SCAPER: variants seen among roughly 807,000 people sequenced by gnomAD.
SCAPER encodes the protein S phase cyclin A-associated protein in the endoplasmic reticulum.
SCAPER carries 98 observed loss-of-function variants against 182.2 expected under a neutral mutation model. That is an observed-to-expected ratio of 0.54 (90% confidence interval 0.46 to 0.64). SCAPER has a LOEUF of 0.64. Among genes scored for constraint, SCAPER ranks in the 30% least tolerant of loss-of-function variants. SCAPER has a pLI of 0.00. For missense variants in SCAPER, 1,432 were observed against 1,690.0 expected, an observed-to-expected ratio of 0.85 and a Z score of 2.68; for synonymous variants, 605 against 564.6, an observed-to-expected ratio of 1.07 and a Z score of -1.01.
chr15:76,600,769 A>G (rs1269543017), intron 22 of SCAPER, among the ~76,000 whole-genome samples: 1 of 121,376 alleles, frequency 8.2e-6, no homozygotes, highest in Admixed American at 9.4e-5. Flanking sequence ...TTTTTTTAAA[A>G]TAATTCTAAA....
chr15:76,445,026 G>C (rs1375280574), intron 25 of SCAPER, among the ~76,000 whole-genome samples: 1 of 152,034 alleles, frequency 6.6e-6, no homozygotes, highest in South Asian at 2.1e-4. Flanking sequence ...GTGGTTTCTG[G>C]TCACATGGAT....
intron 26 of SCAPER, among the ~76,000 whole-genome samples, chr15:76,430,731 G>T (rs140912848): frequency 6.6e-6 from 1 of 152,342 alleles, no homozygotes; most frequent in East Asian, 1.9e-4. Flanking sequence ...CCTTGACTCA[G>T]ATGAGATGTT....
At position 76,689,105 on chromosome 15, in the gene SCAPER, T is replaced by C. The variant is rs533572166; in HGVS notation, c.2508+12653A>G. Among the ~76,000 whole-genome samples the C allele has an allele frequency of 4.6e-3, 693 of 151,932 alleles. 7 individuals are homozygous for C. The highest frequency in any genetic ancestry group is 0.016 in the African/African-American group (660 of 41,484). Reference sequence around the variant, plus strand: ...CCTAGTGATCCGCCCGCCTCAGCCTTTCAAAGTGCTGGGATTACAGGCATG... The same window carrying C: ...CCTAGTGATCCGCCCGCCTCAGCCTCTCAAAGTGCTGGGATTACAGGCATG... On this transcript the variant is annotated intron_variant, in intron 20 of 31. Transcript: ENST00000563290.
At chr15:76,724,763 G>T (rs528378783) in intron 17 of SCAPER, among the ~76,000 whole-genome samples, 1 of 152,186 alleles carries the variant, frequency 6.6e-6, no homozygotes, top group South Asian at 2.1e-4. Flanking sequence ...TCGTGCCATG[G>T]TTTTCAGCTC....
At chr15:76,824,100 A>C (rs966660253) in intron 5 of SCAPER, among the ~76,000 whole-genome samples, 1 of 152,196 alleles carries the variant, frequency 6.6e-6, no homozygotes, top group African/African-American at 2.4e-5. Context: ...GAACAAGGGA[A>C]TACAAACAAG....
intron 21 of SCAPER, among the ~76,000 whole-genome samples, chr15:76,648,126 G>A (rs1280099440): frequency 1.3e-5 from 2 of 151,446 alleles, no homozygotes; most frequent in African/African-American, 4.9e-5. Context: ...AAAAATCAGC[G>A]TGAAAAGGAA....
At chr15:76,623,131 C>A (rs759421653) in intron 21 of SCAPER, among the ~76,000 whole-genome samples, 4 of 152,138 alleles carry the variant, frequency 2.6e-5, no homozygotes, top group Non-Finnish European at 1.5e-5. Context: ...GTCTAAGTTC[C>A]TTATAGATTC....
At chr15:76,732,293 T>C (rs955474171) in intron 16 of SCAPER, among the ~76,000 whole-genome samples, 1 of 152,102 alleles carries the variant, frequency 6.6e-6, no homozygotes, top group Admixed American at 6.6e-5. Flanking sequence ...ATAAGAATAG[T>C]TATACTAGAT....
rs946887357 is a variant in SCAPER at position 76,665,573 on chromosome 15, T to A, written c.2645+80A>T. Reference sequence around the variant, plus strand: ...TTTCATGAAGCAAACAACTTTAAACTTTTTTTGTCTTCCTTGGATTTACAT... The same window carrying A: ...TTTCATGAAGCAAACAACTTTAAACATTTTTTGTCTTCCTTGGATTTACAT... On this transcript the variant is annotated intron_variant, in intron 21 of 31. Transcript: ENST00000563290. The A allele has an allele frequency of 4.8e-6, 7 of 1,446,638 alleles. No individual in the cohort carries two copies. In the African/African-American group the frequency reaches 8.6e-5, roughly 18 times the overall value. The allele number at this position is 1,446,638 out of a possible 1,614,324, so 89.6% of individuals were successfully genotyped here.
chr15:76,539,731 G>A (rs1011513959), intron 23 of SCAPER, among the ~76,000 whole-genome samples: 1 of 151,912 alleles, frequency 6.6e-6, no homozygotes, highest in African/African-American at 2.4e-5. Flanking sequence ...ATTTTTAGTA[G>A]AGACGGGGTT....
chr15:76,861,287 T>A (rs1225829637), intron 3 of SCAPER, among the ~76,000 whole-genome samples: 1 of 152,150 alleles, frequency 6.6e-6, no homozygotes, highest in East Asian at 1.9e-4. Flanking sequence ...TAGGAAAAAA[T>A]TAGTTACTTT....
At chr15:76,757,292 C>A (rs1241887766) in intron 14 of SCAPER, among the ~76,000 whole-genome samples, 2 of 152,152 alleles carry the variant, frequency 1.3e-5, no homozygotes, top group Non-Finnish European at 2.9e-5. Context: ...CCCCTCTCTG[C>A]TTCTATGAAT....
intron 21 of SCAPER, among the ~76,000 whole-genome samples, chr15:76,644,071 T>C (rs996932077): frequency 1.6e-4 from 24 of 152,208 alleles, no homozygotes; most frequent in African/African-American, 5.8e-4. Flanking sequence ...GAGTTCTTTC[T>C]CATGGACTAG....
chr15:76,484,514 A>G (rs2051427127), intron 24 of SCAPER, among the ~76,000 whole-genome samples: 1 of 152,170 alleles, frequency 6.6e-6, no homozygotes, highest in South Asian at 2.1e-4. Flanking sequence ...CCTACCAACT[A>G]AAAAGAGCCC....
intron 4 of SCAPER, among the ~76,000 whole-genome samples, chr15:76,842,497 G>A (rs2069577330): frequency 1.3e-5 from 2 of 152,058 alleles, no homozygotes; most frequent in African/African-American, 4.8e-5. Flanking sequence ...GTTCCTCTTC[G>A]CCTTCTGCCA....
At chr15:76,879,062 T>C (rs1259022907) in intron 2 of SCAPER, among the ~76,000 whole-genome samples, 1 of 152,186 alleles carries the variant, frequency 6.6e-6, no homozygotes, top group Admixed American at 6.5e-5. Flanking sequence ...AATCTGGTAT[T>C]ATCTACAAAT....
chr15:76,685,232 T>A (rs556207729), intron 20 of SCAPER, among the ~76,000 whole-genome samples: 21 of 152,048 alleles, frequency 1.4e-4, no homozygotes, highest in Non-Finnish European at 2.9e-4. Context: ...GAGAAAACTT[T>A]AGAATCATAC....
intron 20 of SCAPER, among the ~76,000 whole-genome samples, chr15:76,695,339 T>C (rs745735852): frequency 6.6e-6 from 1 of 152,168 alleles, no homozygotes; most frequent in South Asian, 2.1e-4. Context: ...CTCATACCTG[T>C]AATCCCAGCA....
At chr15:76,821,566 G>C (rs2067552935) in intron 5 of SCAPER, among the ~76,000 whole-genome samples, 1 of 152,106 alleles carries the variant, frequency 6.6e-6, no homozygotes, top group Non-Finnish European at 1.5e-5. Context: ...TGAGGCTGCA[G>C]TGATCTCTGA....
Sources: gnomAD v4.1 joint callset for allele counts (sites outside exome capture counted in the v4.1 genomes callset) on GRCh38, gnomAD v4.1.1 for gene constraint, MANE v1.5 for transcripts, NCBI Gene and HGNC (gene_info 2026-07-23, HGNC 2026-07-21) for gene names.